Variants in MXRA5 observed in about 807,000 individuals in gnomAD.
The protein encoded by MXRA5 is matrix remodeling associated 5.
Under a neutral mutation model 112.5 loss-of-function variants are expected in MXRA5, and 41 were observed. The observed-to-expected ratio is 0.36, with a 90% CI of 0.28 to 0.47. The LOEUF is 0.47. Ranked by LOEUF, MXRA5 falls within the 20% of genes least tolerant of loss-of-function variation. The probability of loss-of-function intolerance (pLI) is 0.99; values close to 1 mark genes in which losing one functional copy is unlikely to be tolerated. For missense variants in MXRA5, 2,150 were observed against 2,251.0 expected (o/e 0.96, Z 0.91); for synonymous variants, 862 against 900.8 (o/e 0.96, Z 0.77).
chrX:3,310,963 C>T lies in MXRA5; in HGVS notation c.7240G>A (p.Gly2414Ser). ...TTCCTGACCAAGCAGGTGTAGTTGC[C>T]GCTGTCAGAACGCTGGGCTTTCTGA... ...LIQKAQRSDS[G>S]NYTCLVRNSA... Residue 2414 changes from glycine (G) to serine (S), a missense_variant, in exon 7 of 7, where the codon GGC becomes AGC. This residue lies in a region of MXRA5 where 1,485 missense variants were observed against 1,471.6 expected (regional missense o/e 1.01). Coordinates refer to ENST00000217939, the MANE Select transcript of MXRA5 (RefSeq NM_015419.4). The T allele has an allele frequency of 1.7e-6, 2 of 1,211,575 alleles. No homozygotes were observed. The highest frequency in any genetic ancestry group is 2.2e-6 in the Non-Finnish European group (2 of 895,530).
At chrX:3,328,796 AG>A (rs1312733245) in intron 4 of MXRA5, among the ~76,000 whole-genome samples, 43 of 96,686 alleles carry the variant, frequency 4.4e-4, no homozygotes, top group African/African-American at 1.6e-3. Flanking sequence ...GGGAGAGTGA[AG>A]GGGGGAGGAA....
At chrX:3,341,071 A>G (rs1230249552) in intron 2 of MXRA5, among the ~76,000 whole-genome samples, 1 of 71,201 alleles carries the variant, frequency 1.4e-5, no homozygotes, top group African/African-American at 5.4e-5. Context: ...ATATTATATA[A>G]TATATTATAT....
chrX:3,345,694 A>G (rs1922091519), intron 1 of MXRA5, among the ~76,000 whole-genome samples: 1 of 112,866 alleles, frequency 8.9e-6, no homozygotes, highest in African/African-American at 3.2e-5. Context: ...CCCCGCCGGG[A>G]AGCAGGGGTG....
chrX:3,327,476 C>G (rs1485773646), intron 4 of MXRA5, among the ~76,000 whole-genome samples: 1 of 112,371 alleles, frequency 8.9e-6, no homozygotes, highest in Non-Finnish European at 1.9e-5. Context: ...GGATGGAGCA[C>G]AGGTCCACAT....
intron 2 of MXRA5, among the ~76,000 whole-genome samples, chrX:3,331,081 T>C (rs1287492299): frequency 9.0e-6 from 1 of 110,851 alleles, no homozygotes; most frequent in Non-Finnish European, 1.9e-5. Context: ...TTTTTATTTT[T>C]CATTTTTGTA....
intron 1 of MXRA5, among the ~76,000 whole-genome samples, chrX:3,345,081 C>T (rs1295120637): frequency 8.9e-6 from 1 of 111,843 alleles, no homozygotes; most frequent in East Asian, 2.8e-4. Flanking sequence ...TCCGGTGAAC[C>T]GAGATCGAGC....
chrX:3,330,865 C>T (rs1385053498), intron 2 of MXRA5, 92 bp from the exon 3 acceptor site: 3 of 624,012 alleles, frequency 4.8e-6, no homozygotes, highest in African/African-American at 4.7e-5. Flanking sequence ...ATTCCCTAGC[C>T]TGCCCAAGAG....
Position 3,310,260 on chromosome X carries a change from C to T in MXRA5, c.7943G>A (p.Ser2648Asn). ...CTTCAGGGTCTCACCATTGATGATG[C>T]TGACCAGGTTATGATACTGCTTGTT... ...EANKQYHNLVSIINGETLKLP... is the reference protein window; with the variant it reads ...EANKQYHNLVNIINGETLKLP... Residue 2648 changes from serine to asparagine, a missense_variant, in exon 7 of 7, where the codon AGC (serine) becomes AAC (asparagine). Ser to Asn is a conservative substitution (Grantham distance 46, BLOSUM62 1). Coordinates refer to ENST00000217939, the MANE Select transcript of MXRA5 (RefSeq NM_015419.4). 1.7e-6 allele frequency: 2 copies of T among 1,211,524 alleles called. No individual in the cohort carries two copies. Among genetic ancestry groups the T allele is most frequent in the Non-Finnish European group, 2.2e-6 (2 of 895,373 alleles).
Position 3,320,856 on chromosome X carries a change from G to C in MXRA5, c.4829C>G (p.Ala1610Gly). Residue 1610 changes from alanine (A) to glycine (G), a missense_variant, in exon 5 of 7, where the codon GCC becomes GGC. This residue lies in a region of MXRA5 where 1,485 missense variants were observed against 1,471.6 expected (regional missense o/e 1.01). Coordinates refer to ENST00000217939, the MANE Select transcript of MXRA5 (RefSeq NM_015419.4). ...HASHQLTRVPAKPILPTATVR... is the reference protein window; with the variant it reads ...HASHQLTRVPGKPILPTATVR... Reference sequence around the variant, plus strand: ...TGTTGCTGTTGGTAGGATGGGTTTGGCAGGGACTCTGGTTAGTTGATGAGA... The same window carrying C: ...TGTTGCTGTTGGTAGGATGGGTTTGCCAGGGACTCTGGTTAGTTGATGAGA... The C allele has an allele frequency of 8.3e-7, 1 of 1,211,870 alleles. No individual in the cohort carries two copies. The highest frequency in any genetic ancestry group is 1.8e-5 in the South Asian group (1 of 56,969).
Position 3,310,194 on chromosome X carries a change from G to A in MXRA5, c.8009C>T (p.Ser2670Phe). Residue 2670 changes from serine (S) to phenylalanine (F), a missense_variant, in exon 7 of 7, where the codon TCC (serine) becomes TTC (phenylalanine). Physicochemically the swap from Ser to Phe is radical, Grantham distance 155. This residue lies in a region of MXRA5 where 178 missense variants were observed against 198.2 expected (regional missense o/e 0.90). Transcript: ENST00000217939. ...ATGCATGCCATTGGGGAGCGTCCAG[G>A]AGAAACGTCCCTGCCCAGCCCCGGG... is the stretch of plus-strand genomic sequence containing the variant. ...TPPGAGQGRF[S>F]WTLPNGMHLE... is the part of the protein sequence containing the mutation. 8.3e-7 allele frequency: 1 copy of A among 1,211,931 alleles called. No individual in the cohort carries two copies. The highest frequency in any genetic ancestry group is 1.1e-6 in the Non-Finnish European group (1 of 895,505).
At position 3,320,940 on chromosome X, in the gene MXRA5, C is replaced by G; in HGVS notation, c.4745G>C (p.Gly1582Ala). The change falls in exon 5 of 7, where the codon GGT becomes GCT. Residue 1582 changes from glycine (G) to alanine (A), a missense_variant. Physicochemically the swap from Gly to Ala is moderately conservative, Grantham distance 60 (BLOSUM62 0). Around this residue, in one of 6 missense-constraint regions of MXRA5, gnomAD observed 1,485 missense variants for 1,471.6 expected, o/e 1.01. Transcript: ENST00000217939. Reference protein sequence around the residue: ...TKLELEKQVFGSRSLPRGPDS... With the variant: ...TKLELEKQVFASRSLPRGPDS... The stretch of plus-strand genomic sequence containing the variant: ...TGGGCCACGTGGTAGACTCCTACTA[C>G]CAAATACTTGCTTTTCCAATTCCAG... 8.3e-7 allele frequency: 1 copy of G among 1,211,796 alleles called. No homozygotes were observed. The highest frequency in any genetic ancestry group is 1.1e-6 in the Non-Finnish European group (1 of 895,540).
In MXRA5 at chrX:3,321,992, C is replaced by T. The variant is rs761573472; in HGVS notation, c.3693G>A (p.Arg1231=). The change falls in exon 5 of 7, where the codon CGG becomes CGA. Residue 1231 remains arginine, a synonymous_variant. Coordinates refer to ENST00000217939, the MANE Select transcript of MXRA5 (RefSeq NM_015419.4). The stretch of plus-strand genomic sequence containing the variant: ...TGTTTGGCCTCTTCCCGTGTTTTCT[C>T]CGTGGTGTTCCCTTGGATGTGGGTT... ...NAEPTSKGTP[R]RKHGKRPNKH... 2 of 1,211,381 alleles carry T rather than the reference C, an allele frequency of 1.7e-6. No individual in the cohort carries two copies. The highest frequency in any genetic ancestry group is 2.2e-6 in the Non-Finnish European group (2 of 895,496).
Position 3,310,028 on chromosome X carries a change from G to C in MXRA5, c.8175C>G (p.Pro2725=), listed in dbSNP as rs754617706. ...TEYGPSVTSI[P]VIVIAYPPRI... ...GGGGAGGATAGGCGATCACAATCAC[G>C]GGGATGCTGGTGACCGAAGGGCCGT... Residue 2725 remains proline, a synonymous_variant, in exon 7 of 7, where the codon CCC becomes CCG. Coordinates refer to ENST00000217939, the MANE Select transcript of MXRA5 (RefSeq NM_015419.4). 14 of 1,209,136 alleles carry C rather than the reference G, an allele frequency of 1.2e-5. No homozygotes were observed. In the African/African-American group the frequency reaches 1.8e-4, roughly 15 times the overall value.
At chrX:3,316,497 TTAATAA>T (rs757741576) in intron 6 of MXRA5, among the ~76,000 whole-genome samples, 1 of 85,079 alleles carries the variant, frequency 1.2e-5, no homozygotes, top group African/African-American at 4.5e-5. Flanking sequence ...CTACAAAAAG[TTAATAA>T]TAATAATAAT....
intron 5 of MXRA5, among the ~76,000 whole-genome samples, chrX:3,318,807 G>A (rs1333631113): frequency 9.0e-6 from 1 of 111,631 alleles, no homozygotes; most frequent in African/African-American, 3.3e-5. Flanking sequence ...TGAATGAATG[G>A]ATAAAGGGAA....
At position 3,322,280 on chromosome X, in the gene MXRA5, T is replaced by A. The variant is rs1921330750; in HGVS notation, c.3405A>T (p.Lys1135Asn). Residue 1135 changes from lysine (K) to asparagine (N), a missense_variant, in exon 5 of 7, where the codon AAA becomes AAT. By Grantham distance (94) the Lys-to-Asn change is moderately conservative (BLOSUM62 0). Around this residue, in one of 6 missense-constraint regions of MXRA5, gnomAD observed 1,485 missense variants for 1,471.6 expected, o/e 1.01. Coordinates refer to ENST00000217939, the MANE Select transcript of MXRA5 (RefSeq NM_015419.4). ...TTTATTTPRQ[K>N]VAPSSTMSTH... ...TGCTCATGGTGGATGACGGAGCAACTTTTTGCCTTGGTGTTGTTGTTGCTG... is the reference window on the plus strand; with the variant it reads ...TGCTCATGGTGGATGACGGAGCAACATTTTGCCTTGGTGTTGTTGTTGCTG... 4 of 1,204,922 alleles carry A rather than the reference T, an allele frequency of 3.3e-6. No homozygotes were observed. The highest frequency in any genetic ancestry group is 3.4e-6 in the Non-Finnish European group (3 of 892,192).
chrX:3,328,207 G>A (rs1259555823), intron 4 of MXRA5, among the ~76,000 whole-genome samples: 13 of 112,261 alleles, frequency 1.2e-4, no homozygotes, highest in Non-Finnish European at 2.1e-4. Context: ...TGGCCTCTTG[G>A]AATGAAGCTC....
At chrX:3,341,630 A>G (rs1205110949) in intron 2 of MXRA5, among the ~76,000 whole-genome samples, 29 of 62,917 alleles carry the variant, frequency 4.6e-4, no homozygotes, top group African/African-American at 1.5e-3. Context: ...ATAATATAGT[A>G]TACATATATT....
chrX:3,322,648 T>C lies in MXRA5; in HGVS notation c.3037A>G (p.Ser1013Gly). 8.3e-7 allele frequency: 1 copy of C among 1,211,801 alleles called. No homozygotes were observed. Among genetic ancestry groups the C allele is most frequent in the East Asian group, 3.0e-5 (1 of 33,832 alleles). Residue 1013 changes from serine (S) to glycine (G), a missense_variant, in exon 5 of 7, where the codon AGT becomes GGT. Transcript: ENST00000217939. ...GAATCCTCAAATAACTGTGATGTAC[T>C]GGAGTCATTAACCCAGATGGTGGGG... ...PTPTIWVNDS[S>G]TSQLFEDSTI...
Sources: gnomAD v4.1 joint callset for allele counts (sites outside exome capture counted in the v4.1 genomes callset) on GRCh38, gnomAD v4.1.1 for gene constraint, gnomAD v4.1.1 regional missense constraint, MANE v1.5 for transcripts, NCBI Gene and HGNC (gene_info 2026-07-23, HGNC 2026-07-21) for gene names.